CDH12: variants seen among roughly 807,000 people sequenced by gnomAD.
The protein encoded by CDH12 is cadherin 12, also known as cadherin-12.
Under a neutral mutation model 74.1 loss-of-function variants are expected in CDH12, and 41 were observed. The observed-to-expected ratio is 0.55, with a 90% CI of 0.43 to 0.72. CDH12 has a LOEUF of 0.72. Among genes scored for constraint, CDH12 ranks in the 30% least tolerant of loss-of-function variants. The probability of loss-of-function intolerance (pLI) is 0.00; values close to 1 mark genes in which losing one functional copy is unlikely to be tolerated. For synonymous variants in CDH12, 399 were observed against 355.0 expected (o/e 1.12, Z -1.39); for missense variants, 945 against 977.2 (o/e 0.97, Z 0.44).
At chr5:22,842,492 A>C (rs908002665) in intron 1 of CDH12, among the ~76,000 whole-genome samples, 1 of 152,094 alleles carries the variant, frequency 6.6e-6, no homozygotes, top group African/African-American at 2.4e-5. Context: ...GAGACAAAAA[A>C]ATAGTCAAGG....
At chr5:21,791,854 G>A (rs1474443514) in intron 10 of CDH12, among the ~76,000 whole-genome samples, 1 of 151,606 alleles carries the variant, frequency 6.6e-6, no homozygotes, top group Non-Finnish European at 1.5e-5. Flanking sequence ...CCTTAAAATT[G>A]TACTTTTCAA....
chr5:22,635,787 G>A (rs990802653), intron 1 of CDH12, among the ~76,000 whole-genome samples: 9 of 152,050 alleles, frequency 5.9e-5, no homozygotes, highest in African/African-American at 1.7e-4. Flanking sequence ...AGTGGCATGC[G>A]CCTGTAATCC....
intron 5 of CDH12, among the ~76,000 whole-genome samples, chr5:22,060,417 A>G (rs1057130329): frequency 1.1e-4 from 16 of 152,118 alleles, no homozygotes; most frequent in African/African-American, 3.9e-4. Context: ...GCAAACCACC[A>G]TGGCACATGT....
chr5:22,704,825 A>G (rs1486098717), intron 1 of CDH12, among the ~76,000 whole-genome samples: 1 of 151,964 alleles, frequency 6.6e-6, no homozygotes, highest in Admixed American at 6.6e-5. Context: ...GGAAACTTGA[A>G]TTGTTGAGGA....
intron 5 of CDH12, among the ~76,000 whole-genome samples, chr5:22,034,261 C>T (rs1021152392): frequency 2.4e-4 from 37 of 152,322 alleles, no homozygotes; most frequent in African/African-American, 8.7e-4. Flanking sequence ...TATCAGACTG[C>T]TGGCATCAGG....
At position 22,183,926 on chromosome 5, in the gene CDH12, A is replaced by T. The variant is rs144520202; in HGVS notation, c.-187+28572T>A. Among the ~76,000 whole-genome samples the T allele has an allele frequency of 8.5e-3, 1,299 of 152,270 alleles. 19 individuals are homozygous for T. Among genetic ancestry groups the T allele is most frequent in the African/African-American group, 0.029 (1,215 of 41,552 alleles). On this transcript the variant is annotated intron_variant, in intron 4 of 14. Transcript: ENST00000382254. The stretch of plus-strand genomic sequence containing the variant: ...GAAAGGGTCCTTTCTACACAAAAAT[A>T]ACTAGAGTAGAGTCATTAATGGCCT...
At chr5:21,980,514 T>C (rs1757263806) in intron 5 of CDH12, among the ~76,000 whole-genome samples, 1 of 152,292 alleles carries the variant, frequency 6.6e-6, no homozygotes, top group Admixed American at 6.5e-5. Context: ...AAATGACTTC[T>C]GATTTGTGAA....
At chr5:22,568,123 A>T (rs1370822852) in intron 1 of CDH12, among the ~76,000 whole-genome samples, 3 of 152,218 alleles carry the variant, frequency 2.0e-5, no homozygotes, top group African/African-American at 7.2e-5. Flanking sequence ...ACTGGATTTT[A>T]TTCTAGATTG....
At chr5:22,301,839 T>C (rs1318807890) in intron 3 of CDH12, among the ~76,000 whole-genome samples, 1 of 151,862 alleles carries the variant, frequency 6.6e-6, no homozygotes, top group African/African-American at 2.4e-5. Flanking sequence ...TATTTATTTA[T>C]TGTATTTTTG....
At chr5:22,416,476 T>C (rs1423586854) in intron 2 of CDH12, among the ~76,000 whole-genome samples, 1 of 152,156 alleles carries the variant, frequency 6.6e-6, no homozygotes, top group Non-Finnish European at 1.5e-5. Context: ...GGATGAGTTA[T>C]TGGCGTGCAT....
intron 1 of CDH12, among the ~76,000 whole-genome samples, chr5:22,583,606 G>A (rs1213210493): frequency 6.6e-6 from 1 of 152,108 alleles, no homozygotes; most frequent in East Asian, 1.9e-4. Context: ...GCCTTGGAAT[G>A]CCATGATTTT....
intron 5 of CDH12, among the ~76,000 whole-genome samples, chr5:22,067,587 A>G (rs1310481743): frequency 6.6e-6 from 1 of 152,182 alleles, no homozygotes; most frequent in African/African-American, 2.4e-5. Context: ...TATACGATCC[A>G]GCAGGTCCAG....
chr5:22,139,246 A>T (rs563410665), intron 4 of CDH12: 10 of 149,818 alleles, frequency 6.7e-5, no homozygotes, highest in South Asian at 2.1e-4. Flanking sequence ...CGGCTAATAC[A>T]TACTCCTTTG....
rs1247018893 is a variant in CDH12, at chr5:22,299,530, T to G, written c.-332-86887A>C. 2.0e-5 allele frequency among the ~76,000 whole-genome samples: 3 copies of G among 152,224 alleles called. No homozygotes were observed. The East Asian group carries it at 5.8e-4, about 29-fold the overall frequency. On this transcript the variant is annotated intron_variant, in intron 3 of 14. Transcript: ENST00000382254. ...CATGGTGTAGTGCAAAGAATTTCTT[T>G]GAAAGAGCTTGAAAATGTGGAATTT...
At chr5:22,076,413 C>G (rs140112572) in intron 5 of CDH12, among the ~76,000 whole-genome samples, 1 of 152,034 alleles carries the variant, frequency 6.6e-6, no homozygotes, top group African/African-American at 2.4e-5. Context: ...AACCTAATTT[C>G]AACTTTATTA....
intron 2 of CDH12, among the ~76,000 whole-genome samples, chr5:22,482,367 A>G (rs1746416997): frequency 6.6e-6 from 1 of 151,968 alleles, no homozygotes; most frequent in Non-Finnish European, 1.5e-5. Context: ...TGCTCTCTTG[A>G]CTCTACCTTG....
rs1303504760 is a variant in CDH12 at position 22,635,889 on chromosome 5, G to C, written c.-522-130525C>G. 2.0e-5 allele frequency among the ~76,000 whole-genome samples: 3 copies of C among 151,072 alleles called. No homozygotes were observed. In the East Asian group the frequency reaches 5.9e-4, roughly 30 times the overall value. On this transcript the variant is annotated intron_variant, in intron 1 of 14. Transcript: ENST00000382254. ...AGATTGTGCCCACTGCTCCAGCCTG[G>C]GCCACAGAATGAGACTCCATCTCAA... is the stretch of plus-strand genomic sequence containing the variant.
chr5:22,172,785 CATTTA>C (rs548950534), intron 4 of CDH12, among the ~76,000 whole-genome samples: 302 of 151,550 alleles, frequency 2.0e-3, no homozygotes, highest in African/African-American at 6.5e-3. Context: ...AGAATGAATT[CATTTA>C]ATTTATTTTA....
chr5:21,935,782 T>C, intron 6 of CDH12, among the ~76,000 whole-genome samples: 1 of 152,186 alleles, frequency 6.6e-6, no homozygotes. Flanking sequence ...CTTTATACTG[T>C]TTATCTCCAT....
Sources: gnomAD v4.1 joint callset for allele counts (sites outside exome capture counted in the v4.1 genomes callset) on GRCh38, gnomAD v4.1.1 for gene constraint, MANE v1.5 for transcripts, NCBI Gene and HGNC (gene_info 2026-07-23, HGNC 2026-07-21) for gene names.